Variants in ITGBL1 observed in about 807,000 individuals in gnomAD.
ITGBL1 encodes the protein integrin beta-like protein 1.
ITGBL1 carries 51 observed loss-of-function variants against 68.5 expected under a neutral mutation model. The observed-to-expected ratio is 0.74, with a 90% CI of 0.59 to 0.94. The LOEUF is 0.94. Among genes scored for constraint, ITGBL1 ranks in the 40% least tolerant of loss-of-function variants. The probability of loss-of-function intolerance (pLI) is 0.00; values close to 1 mark genes in which losing one functional copy is unlikely to be tolerated. For missense variants in ITGBL1, 649 were observed against 647.4 expected (o/e 1.00, Z -0.03); for synonymous variants, 209 against 227.3 (o/e 0.92, Z 0.72).
At chr13:101,505,104 G>A (rs2139094896) in intron 2 of ITGBL1, among the ~76,000 whole-genome samples, 1 of 145,480 alleles carries the variant, frequency 6.9e-6, no homozygotes, top group African/African-American at 2.4e-5. Context: ...ATTTAAAGCT[G>A]AGACCTTTAC....
chr13:101,697,928 C>G (rs2034040812), intron 8 of ITGBL1, among the ~76,000 whole-genome samples: 1 of 152,178 alleles, frequency 6.6e-6, no homozygotes, highest in African/African-American at 2.4e-5. Context: ...GTTGGACTCA[C>G]ACAAATCAGC....
chr13:101,488,897 G>A (rs1209078308), intron 2 of ITGBL1, among the ~76,000 whole-genome samples: 1 of 152,046 alleles, frequency 6.6e-6, no homozygotes, highest in Non-Finnish European at 1.5e-5. Flanking sequence ...TCATCTTTTG[G>A]TGTTTTCAGG....
At chr13:101,501,337 C>G (rs1010893799) in intron 2 of ITGBL1, among the ~76,000 whole-genome samples, 4 of 152,178 alleles carry the variant, frequency 2.6e-5, no homozygotes, top group Non-Finnish European at 4.4e-5. Context: ...TGGAGAGTGA[C>G]TGTCCTGTTA....
At chr13:101,467,827 G>A in intron 2 of ITGBL1, among the ~76,000 whole-genome samples, 1 of 152,002 alleles carries the variant, frequency 6.6e-6, no homozygotes, top group East Asian at 1.9e-4. Context: ...ACCCACTCTA[G>A]TTTCCTGTTC....
intron 2 of ITGBL1, among the ~76,000 whole-genome samples, chr13:101,484,653 C>T (rs541514494): frequency 1.0e-3 from 153 of 151,826 alleles, no homozygotes; most frequent in African/African-American, 3.5e-3. Flanking sequence ...TGTTGTATAG[C>T]GGGGGAAGTC....
intron 9 of ITGBL1, chr13:101,713,406 CTT>C (rs1566804296): frequency 6.6e-6 from 1 of 152,098 alleles, no homozygotes; most frequent in African/African-American, 2.4e-5. Flanking sequence ...TCAAAATACT[CTT>C]TTCAACTGCA....
chr13:101,678,135 G>A (rs1029795053), intron 7 of ITGBL1, among the ~76,000 whole-genome samples: 1 of 152,148 alleles, frequency 6.6e-6, no homozygotes, highest in Non-Finnish European at 1.5e-5. Flanking sequence ...TAAACTATTT[G>A]AGGATAAGTT....
intron 2 of ITGBL1, among the ~76,000 whole-genome samples, chr13:101,487,773 A>T (rs1385166888): frequency 6.6e-6 from 1 of 152,234 alleles, no homozygotes; most frequent in Non-Finnish European, 1.5e-5. Flanking sequence ...AAGAAACTGG[A>T]TGCAGAGAGC....
intron 7 of ITGBL1, among the ~76,000 whole-genome samples, chr13:101,609,742 A>G (rs1427053417): frequency 6.6e-6 from 1 of 152,148 alleles, no homozygotes; most frequent in Non-Finnish European, 1.5e-5. Context: ...TTCAGTGGAA[A>G]ATAATAAACA....
At chr13:101,567,202 TGAA>T (rs770558311) in intron 2 of ITGBL1, among the ~76,000 whole-genome samples, 4 of 152,186 alleles carry the variant, frequency 2.6e-5, no homozygotes, top group South Asian at 2.1e-4. Flanking sequence ...TCCATATTAC[TGAA>T]GTTGGTATTT....
chr13:101,596,040 C>T (rs1566747835), intron 6 of ITGBL1, among the ~76,000 whole-genome samples: 2 of 74,808 alleles, frequency 2.7e-5, no homozygotes, highest in African/African-American at 9.9e-5. Context: ...CATATATTTA[C>T]ATATGTGTGT....
At chr13:101,453,417 A>T (rs900012431) in intron 1 of ITGBL1, among the ~76,000 whole-genome samples, 2 of 152,164 alleles carry the variant, frequency 1.3e-5, no homozygotes, top group Non-Finnish European at 2.9e-5. Context: ...AGCATGTCTA[A>T]CTCTTTCTAT....
chr13:101,605,965 T>TACAC (rs1258176583), intron 7 of ITGBL1, among the ~76,000 whole-genome samples: 1 of 147,592 alleles, frequency 6.8e-6, no homozygotes, highest in Admixed American at 6.8e-5. Context: ...CATATACACA[T>TACAC]ATATATGCAT....
In ITGBL1 at chr13:101,588,297, T is replaced by TTGGTGTGTGTGTGTGTGTG. The variant is rs1555360537; in HGVS notation, c.868+4943_868+4944insGTGTGTGTGTGTGTGTGTG. Among the ~76,000 whole-genome samples, 561 of 149,782 alleles carry TTGGTGTGTGTGTGTGTGTG rather than the reference T, an allele frequency of 3.7e-3. 7 individuals are homozygous for TTGGTGTGTGTGTGTGTGTG. Among genetic ancestry groups the TTGGTGTGTGTGTGTGTGTG allele is most frequent in the Middle Eastern group, 0.014 (4 of 286 alleles). On this transcript the variant is annotated intron_variant, in intron 6 of 10. Coordinates refer to ENST00000376180, the MANE Select transcript of ITGBL1 (RefSeq NM_004791.3). ...CAACACCAAGCACTGTATTCTTCCA[T>TTGGTGTGTGTGTGTGTGTG]TGTGTGTGTGTGTGTGTGCATGTGT...
chr13:101,702,282 A>G (rs375882214), intron 8 of ITGBL1, among the ~76,000 whole-genome samples: 9 of 152,048 alleles, frequency 5.9e-5, no homozygotes, highest in East Asian at 3.9e-4. Context: ...ATATTTATCA[A>G]TTTTATTGAT....
At chr13:101,533,923 A>C (rs946439727) in intron 2 of ITGBL1, among the ~76,000 whole-genome samples, 15 of 152,206 alleles carry the variant, frequency 9.9e-5, no homozygotes, top group Non-Finnish European at 2.1e-4. Flanking sequence ...TAAAGTAGGA[A>C]ATGGTCCAAT....
At chr13:101,668,169 C>A (rs759969084) in intron 7 of ITGBL1, among the ~76,000 whole-genome samples, 2 of 152,068 alleles carry the variant, frequency 1.3e-5, no homozygotes, top group Non-Finnish European at 2.9e-5. Flanking sequence ...GGGTGGATCA[C>A]CTGAGGTCAA....
At chr13:101,639,847 A>C (rs2139427323) in intron 7 of ITGBL1, among the ~76,000 whole-genome samples, 1 of 152,326 alleles carries the variant, frequency 6.6e-6, no homozygotes, top group Non-Finnish European at 1.5e-5. Context: ...TAGACAACAC[A>C]TGAAGAAGTG....
At chr13:101,605,854 GTGTGTATA>G (rs1392079946) in intron 7 of ITGBL1, among the ~76,000 whole-genome samples, 9 of 149,880 alleles carry the variant, frequency 6.0e-5, no homozygotes, top group Non-Finnish European at 8.9e-5. Context: ...ACATATGTAT[GTGTGTATA>G]TGTGTATATA....
Sources: allele counts gnomAD v4.1 joint callset (sites outside exome capture counted in the v4.1 genomes callset), GRCh38; gene constraint gnomAD v4.1.1; transcripts MANE v1.5; gene names NCBI Gene and HGNC (gene_info 2026-07-23, HGNC 2026-07-21).